The following PCDH11X variants were observed in gnomAD, a reference collection of about 807,000 sequenced individuals.
PCDH11X encodes the protein protocadherin 11 X-linked.
Under a neutral mutation model 53.3 loss-of-function variants are expected in PCDH11X, and 18 were observed. The ratio of observed to expected loss-of-function variants is 0.34; its 90% CI spans 0.23 to 0.50. The LOEUF (loss-of-function observed/expected upper bound fraction) is 0.50. Among genes scored for constraint, PCDH11X ranks in the 20% least tolerant of loss-of-function variants. The pLI is 0.98. For missense variants in PCDH11X, 570 were observed against 1,032.4 expected, an observed-to-expected ratio of 0.55 and a Z score of 6.14; for synonymous variants, 279 against 393.3, an observed-to-expected ratio of 0.71 and a Z score of 3.44.
Position 91,835,878 on chromosome X carries a change from T to C in PCDH11X, c.374T>C (p.Ile125Thr). ...LPDEIFRLVK[I>T]RFLIEDINDN... ...GATGAAATATTTAGACTGGTTAAGATACGTTTTCTGATAGAAGATATAAAT... is the reference window on the plus strand; with the variant it reads ...GATGAAATATTTAGACTGGTTAAGACACGTTTTCTGATAGAAGATATAAAT... Residue 125 changes from isoleucine to threonine, a missense_variant, in exon 5 of 11, where the codon ATA (isoleucine) becomes ACA (threonine). Physicochemically the swap from Ile to Thr is moderately conservative, Grantham distance 89. Coordinates refer to ENST00000682573, the MANE Select transcript of PCDH11X (RefSeq NM_032968.5). 1 of 1,208,929 alleles carries C rather than the reference T, an allele frequency of 8.3e-7. No individual in the cohort carries two copies. Among genetic ancestry groups the C allele is most frequent in the East Asian group, 3.0e-5 (1 of 33,749 alleles).
At chrX:92,463,602 G>A (rs1054023983) in intron 9 of PCDH11X, among the ~76,000 whole-genome samples, 6 of 111,366 alleles carry the variant, frequency 5.4e-5, no homozygotes, top group African/African-American at 2.0e-4. Context: ...TGTGTATATT[G>A]AGGATGCTGA....
chrX:92,445,799 C>A (rs968553377), intron 9 of PCDH11X, among the ~76,000 whole-genome samples: 4 of 110,229 alleles, frequency 3.6e-5, no homozygotes, highest in African/African-American at 6.6e-5. Context: ...TAGTAAGATA[C>A]ACTGCTGAAA....
intron 7 of PCDH11X, among the ~76,000 whole-genome samples, chrX:92,250,789 A>G (rs753468048): frequency 5.2e-4 from 57 of 109,592 alleles, no homozygotes; most frequent in South Asian, 3.1e-3. Context: ...TATGTGCAGA[A>G]CAGGGTAATT....
At chrX:91,858,759 A>G (rs1938493510) in intron 5 of PCDH11X, among the ~76,000 whole-genome samples, 1 of 108,711 alleles carries the variant, frequency 9.2e-6, no homozygotes, top group Non-Finnish European at 1.9e-5. Context: ...CAAGTTCCTC[A>G]TCTCCATCTG....
chrX:92,051,452 G>T (rs2063365725), intron 6 of PCDH11X, among the ~76,000 whole-genome samples: 2 of 111,673 alleles, frequency 1.8e-5, no homozygotes, highest in South Asian at 7.4e-4. Flanking sequence ...CAAGCTGGTG[G>T]AAATGTACCT....
intron 6 of PCDH11X, among the ~76,000 whole-genome samples, chrX:91,880,192 CT>C (rs1939826836): frequency 9.0e-6 from 1 of 110,688 alleles, no homozygotes; most frequent in African/African-American, 3.3e-5. Flanking sequence ...TCCAGAAACT[CT>C]TAAATGTTGA....
chrX:92,034,825 T>C (rs2148020108), intron 6 of PCDH11X, among the ~76,000 whole-genome samples: 1 of 108,326 alleles, frequency 9.2e-6, no homozygotes, highest in South Asian at 4.1e-4. Flanking sequence ...TTCTTCCTTT[T>C]CTTCATCCTT....
chrX:92,200,778 G>A, intron 6 of PCDH11X, among the ~76,000 whole-genome samples: 1 of 112,438 alleles, frequency 8.9e-6, no homozygotes, highest in East Asian at 2.8e-4. Context: ...TTTGCAACAA[G>A]AGCATATTCA....
chrX:92,478,080 A>G (rs1052068710), intron 10 of PCDH11X, among the ~76,000 whole-genome samples: 2 of 110,449 alleles, frequency 1.8e-5, no homozygotes, highest in African/African-American at 6.6e-5. Context: ...TTATGGTTTT[A>G]TAAGTGTTTG....
intron 10 of PCDH11X, among the ~76,000 whole-genome samples, chrX:92,482,633 A>C (rs2073533132): frequency 9.0e-6 from 1 of 111,571 alleles, no homozygotes; most frequent in Admixed American, 9.5e-5. Context: ...CTAACTGTGA[A>C]GATGATAAGC....
At chrX:92,146,902 G>C (rs1174999374) in intron 6 of PCDH11X, among the ~76,000 whole-genome samples, 2 of 110,432 alleles carry the variant, frequency 1.8e-5, no homozygotes, top group East Asian at 5.7e-4. Context: ...GGGAGGCTGA[G>C]GCAGGAGAAT....
chrX:92,255,535 A>C (rs1465153636), intron 7 of PCDH11X, among the ~76,000 whole-genome samples: 1 of 107,700 alleles, frequency 9.3e-6, no homozygotes, highest in East Asian at 2.9e-4. Flanking sequence ...TAGAGTTTCC[A>C]GTTTTTCTGT....
chrX:92,208,508 A>AATATGT (rs2066517888), intron 7 of PCDH11X, among the ~76,000 whole-genome samples: 1 of 30,679 alleles, frequency 3.3e-5, no homozygotes, highest in East Asian at 8.7e-4. Context: ...CCCTGAAACT[A>AATATGT]ATATATATAT....
intron 7 of PCDH11X, among the ~76,000 whole-genome samples, chrX:92,216,828 A>G (rs1452890641): frequency 9.6e-6 from 1 of 103,725 alleles, no homozygotes; most frequent in Admixed American, 1.0e-4. Flanking sequence ...CACAAAGGGA[A>G]GCCCATCAGA....
At chrX:91,796,253 T>C (rs895196018) in intron 1 of PCDH11X, among the ~76,000 whole-genome samples, 2 of 112,028 alleles carry the variant, frequency 1.8e-5, no homozygotes, top group African/African-American at 6.5e-5. Context: ...TCTAACATAG[T>C]TATTGGTCTA....
chrX:92,611,193 G>T (rs1417467379), intron 10 of PCDH11X, among the ~76,000 whole-genome samples: 2 of 109,873 alleles, frequency 1.8e-5, no homozygotes, highest in Admixed American at 2.0e-4. Context: ...GCTTTGGATA[G>T]TATGGCCATT....
At chrX:92,022,830 G>A (rs368435962) in intron 6 of PCDH11X, among the ~76,000 whole-genome samples, 2 of 110,763 alleles carry the variant, frequency 1.8e-5, no homozygotes, top group Admixed American at 1.9e-4. Context: ...TCAGACCACC[G>A]TGCAATCAAA....
intron 10 of PCDH11X, among the ~76,000 whole-genome samples, chrX:92,514,964 G>A (rs1461171982): frequency 2.9e-4 from 28 of 95,418 alleles, no homozygotes; most frequent in Admixed American, 5.8e-4. Context: ...GGAAAATGGC[G>A]TGAACCCGGG....
At chrX:92,488,393 G>T (rs187761088) in intron 10 of PCDH11X, among the ~76,000 whole-genome samples, 6 of 110,598 alleles carry the variant, frequency 5.4e-5, no homozygotes, top group African/African-American at 2.0e-4. Context: ...CACATAGAAG[G>T]TTTTTAATAA....
Sources: gnomAD v4.1 joint callset for allele counts (sites outside exome capture counted in the v4.1 genomes callset) on GRCh38, gnomAD v4.1.1 for gene constraint, MANE v1.5 for transcripts, NCBI Gene and HGNC (gene_info 2026-07-23, HGNC 2026-07-21) for gene names.